Variants in CHD9 observed in about 807,000 individuals in gnomAD.
CHD9 encodes chromodomain helicase DNA binding protein 9, also known as ATP-dependent chromatin remodeler CHD9.
CHD9 carries 77 observed loss-of-function variants against 316.1 expected under a neutral mutation model. The observed-to-expected ratio is 0.24, with a 90% CI of 0.20 to 0.29. The LOEUF is 0.29. Among genes scored for constraint, CHD9 ranks in the 10% least tolerant of loss-of-function variants. CHD9 has a pLI of 1.00. For synonymous variants in CHD9, 1,129 were observed against 1,158.3 expected, an observed-to-expected ratio of 0.97 and a Z score of 0.51; for missense variants, 2,763 against 3,438.1, an observed-to-expected ratio of 0.80 and a Z score of 4.91.
intron 22 of CHD9, among the ~76,000 whole-genome samples, chr16:53,270,264 A>G (rs2052117621): frequency 6.6e-6 from 1 of 151,368 alleles, no homozygotes; most frequent in South Asian, 2.1e-4. Context: ...CAGCCTCCCA[A>G]AGTGCTGTGG....
At position 53,326,204 on chromosome 16, in the gene CHD9, A is replaced by G. The variant is rs896428362; in HGVS notation, c.*1309A>G. 7 of 152,528 alleles carry G rather than the reference A, an allele frequency of 4.6e-5. No homozygotes were observed. The highest frequency in any genetic ancestry group is 1.3e-4 in the Admixed American group (2 of 15,276). 9.4% of individuals were successfully genotyped at this position (152,528 alleles called of 1,614,324 possible). On this transcript the variant is annotated 3_prime_UTR_variant, in exon 39 of 39. Coordinates refer to ENST00000447540, the MANE Select transcript of CHD9 (RefSeq NM_001308319.2). ...AAAGCTGCTATTATTCTGACAAGGT[A>G]GAGGTCCAGGTTCACCTTTATATAT...
At chr16:53,277,254 T>C (rs914434354) in intron 24 of CHD9, among the ~76,000 whole-genome samples, 2 of 152,084 alleles carry the variant, frequency 1.3e-5, no homozygotes, top group Non-Finnish European at 2.9e-5. Context: ...CTAAATCATA[T>C]TATGAAGCCA....
chr16:53,063,195 G>C (rs2033110791), intron 1 of CHD9, among the ~76,000 whole-genome samples: 1 of 142,292 alleles, frequency 7.0e-6, no homozygotes, highest in Admixed American at 6.8e-5. Flanking sequence ...TTTGAGGTAG[G>C]GACTCTTTGC....
At chr16:53,320,004 A>G in intron 37 of CHD9, 1 of 325,666 alleles carries the variant, frequency 3.1e-6, no homozygotes, top group Non-Finnish European at 4.5e-6. Context: ...TTCTTTAAAT[A>G]TATTATATAA....
chr16:53,148,702 C>T (rs2040843265), intron 1 of CHD9, among the ~76,000 whole-genome samples: 1 of 152,134 alleles, frequency 6.6e-6, no homozygotes, highest in African/African-American at 2.4e-5. Context: ...CTTTCTGATA[C>T]TGAGTTGTAG....
chr16:53,129,501 A>T (rs894380480), intron 1 of CHD9, among the ~76,000 whole-genome samples: 1 of 152,206 alleles, frequency 6.6e-6, no homozygotes, highest in Non-Finnish European at 1.5e-5. Flanking sequence ...AGTTATGCTG[A>T]TCCACTCTGG....
At chr16:53,304,679 T>C in intron 31 of CHD9, 54 bp downstream of exon 31, 3 of 1,328,280 alleles carry the variant, frequency 2.3e-6, no homozygotes, top group East Asian at 5.1e-5. Context: ...TTTTCTTTTC[T>C]TTTCTTTTCT....
Position 53,238,920 on chromosome 16 carries a change from G to A in CHD9, c.2877+334G>A, listed in dbSNP as rs543557812. Among the ~76,000 whole-genome samples, 4 of 152,144 alleles carry A rather than the reference G, an allele frequency of 2.6e-5. No individual in the cohort carries two copies. The South Asian group carries it at 8.3e-4, about 32-fold the overall frequency. On this transcript the variant is annotated intron_variant, in intron 12 of 38. Transcript: ENST00000447540. ...TAGATTTATTTTTAGGGTATTAACT[G>A]TCTCTGATCATTGTCCAGCTTTTTT...
intron 16 of CHD9, among the ~76,000 whole-genome samples, chr16:53,248,558 C>G (rs2049870595): frequency 8.1e-6 from 1 of 123,904 alleles, no homozygotes; most frequent in Non-Finnish European, 1.6e-5. Flanking sequence ...CAGGGTCTCA[C>G]TGTGTTGCCC....
At chr16:53,149,858 A>C (rs1011199057) in intron 1 of CHD9, among the ~76,000 whole-genome samples, 25 of 151,520 alleles carry the variant, frequency 1.6e-4, no homozygotes, top group African/African-American at 5.8e-4. Flanking sequence ...TCACCGTGCA[A>C]GGCCCTCTTG....
intron 1 of CHD9, among the ~76,000 whole-genome samples, chr16:53,151,371 C>A (rs558958706): frequency 6.6e-6 from 1 of 151,792 alleles, no homozygotes; most frequent in Non-Finnish European, 1.5e-5. Flanking sequence ...CCTGCCTCAG[C>A]CTCTCCCAAG....
chr16:53,322,755 G>A (rs1437904573), intron 38 of CHD9, among the ~76,000 whole-genome samples: 1 of 152,060 alleles, frequency 6.6e-6, no homozygotes, highest in African/African-American at 2.4e-5. Flanking sequence ...AATGGAAAGG[G>A]CAGGCTATAA....
chr16:53,060,764 A>G (rs973478295), intron 1 of CHD9, among the ~76,000 whole-genome samples: 32 of 151,944 alleles, frequency 2.1e-4, no homozygotes, highest in African/African-American at 7.7e-4. Context: ...TCAAAAAACA[A>G]ACGAAAATTA....
At chr16:53,199,434 G>C (rs1204776368) in intron 2 of CHD9, among the ~76,000 whole-genome samples, 1 of 151,866 alleles carries the variant, frequency 6.6e-6, no homozygotes, top group Non-Finnish European at 1.5e-5. Flanking sequence ...TTCACCTTTT[G>C]TTTTACTTAA....
At chr16:53,199,650 T>C (rs1164191320) in intron 2 of CHD9, among the ~76,000 whole-genome samples, 1 of 152,164 alleles carries the variant, frequency 6.6e-6, no homozygotes, top group Non-Finnish European at 1.5e-5. Context: ...TCTTTCACCC[T>C]GTATGTCTAT....
At chr16:53,296,065 C>G (rs1459176272) in intron 29 of CHD9, among the ~76,000 whole-genome samples, 1 of 152,178 alleles carries the variant, frequency 6.6e-6, no homozygotes, top group Non-Finnish European at 1.5e-5. Context: ...TTTGCTTACT[C>G]TGTGCTTTCT....
At chr16:53,144,214 T>C (rs529225234) in intron 1 of CHD9, among the ~76,000 whole-genome samples, 1 of 152,312 alleles carries the variant, frequency 6.6e-6, no homozygotes, top group South Asian at 2.1e-4. Context: ...TTAACTATTT[T>C]CTTGGGAGAC....
rs537182073 is a variant in CHD9 at position 53,312,178 on chromosome 16, T to C, written c.7223-2199T>C. 1.2e-4 allele frequency among the ~76,000 whole-genome samples: 18 copies of C among 152,348 alleles called. No individual in the cohort carries two copies. In the South Asian group the frequency reaches 3.3e-3, roughly 28 times the overall value. On this transcript the variant is annotated intron_variant, in intron 34 of 38. Coordinates refer to ENST00000447540, the MANE Select transcript of CHD9 (RefSeq NM_001308319.2). ...CCAGATGTTTTTTCATAGATAATTA[T>C]ATTAAGTACTTCTATTTTTTATGTA...
In CHD9 at chr16:53,106,657, T is replaced by TATACACAC. The variant is rs1555484430; in HGVS notation, c.-164-49268_-164-49267insTACACACA. Reference sequence around the variant, plus strand: ...TGCAACTGCCTCAGACACACATACATACACACACACACACACACACACAGC... The same window carrying TATACACAC: ...TGCAACTGCCTCAGACACACATACATATACACACACACACACACACACACACACACAGC... On this transcript the variant is annotated intron_variant, in intron 1 of 38. Transcript: ENST00000447540. Among the ~76,000 whole-genome samples, 477 of 150,708 alleles carry TATACACAC rather than the reference T, an allele frequency of 3.2e-3. 4 individuals carry two copies. Among genetic ancestry groups the TATACACAC allele is most frequent in the African/African-American group, 0.011 (456 of 41,122 alleles).
Sources: gnomAD v4.1 joint callset for allele counts (sites outside exome capture counted in the v4.1 genomes callset) on GRCh38, gnomAD v4.1.1 for gene constraint, MANE v1.5 for transcripts, NCBI Gene and HGNC (gene_info 2026-07-23, HGNC 2026-07-21) for gene names.